The following JDP2 variants were observed in gnomAD, a reference collection of about 807,000 sequenced individuals.
The protein encoded by JDP2 is Jun dimerization protein 2, also known as progesterone receptor co-activator.
JDP2 carries 9 observed loss-of-function variants against 17.1 expected under a neutral mutation model. That is an observed-to-expected ratio of 0.53 (90% CI 0.32 to 0.92). JDP2 has a LOEUF of 0.92. Ranked by LOEUF, JDP2 falls within the 40% of genes least tolerant of loss-of-function variation. JDP2 has a pLI of 0.04. For synonymous variants in JDP2, 107 were observed against 95.6 expected, an observed-to-expected ratio of 1.12 and a Z score of -0.69; for missense variants, 179 against 220.0, an observed-to-expected ratio of 0.81 and a Z score of 1.18.
Position 75,437,982 on chromosome 14 carries a change from C to T in JDP2, c.62C>T (p.Pro21Leu). The T allele has an allele frequency of 1.2e-6, 2 of 1,613,634 alleles. No homozygotes were observed. Among genetic ancestry groups the T allele is most frequent in the Non-Finnish European group, 1.7e-6 (2 of 1,179,810 alleles). ...ACAGGCTCCCTGCCAGGGCTTGGCC[C>T]CCTGACCGGGCTCCCCAGCTCGGCC... ...VTTGSLPGLG[P>L]LTGLPSSALT... Residue 21 changes from proline (P) to leucine (L), a missense_variant, in exon 2 of 4, where the codon CCC (proline) becomes CTC (leucine). By Grantham distance (98) the Pro-to-Leu change is moderately conservative. Transcript: ENST00000651602.
intron 2 of JDP2, among the ~76,000 whole-genome samples, chr14:75,450,668 G>T (rs557833542): frequency 1.4e-4 from 21 of 152,256 alleles, no homozygotes; most frequent in Non-Finnish European, 2.5e-4. Context: ...CAGCTGAAGT[G>T]AAGTGGAAAG....
At chr14:75,436,540 G>C (rs552367967) in intron 1 of JDP2, among the ~76,000 whole-genome samples, 4 of 152,346 alleles carry the variant, frequency 2.6e-5, no homozygotes, top group Admixed American at 2.0e-4. Context: ...TAGAATCTAA[G>C]AGCAGTTTTG....
intron 2 of JDP2, among the ~76,000 whole-genome samples, chr14:75,439,266 T>G (rs900192330): frequency 3.3e-5 from 5 of 149,740 alleles, no homozygotes; most frequent in Non-Finnish European, 5.9e-5. Context: ...TTGGCTGTGG[T>G]GGCAAACTGG....
In JDP2 at chr14:75,437,994, TC is replaced by T; in HGVS notation, c.78del (p.Ser27AlafsTer4). 1 of 1,613,724 alleles carries T rather than the reference TC, an allele frequency of 6.2e-7. No homozygotes were observed. ...SLPGLGPLTGLPSSALTVEEL... is the reference protein window; with the variant it reads ...SLPGLGPLTGXPSSALTVEEL... ...CCAGGGCTTGGCCCCCTGACCGGGC[TC>T]CCCAGCTCGGCCCTGACTGTGGAGG... is the stretch of plus-strand genomic sequence containing the variant. On this transcript the variant is annotated frameshift_variant, in exon 2 of 4. Transcript: ENST00000651602. LOFTEE classifies it high-confidence loss of function.
intron 1 of JDP2, among the ~76,000 whole-genome samples, chr14:75,436,557 C>A (rs1267489101): frequency 6.6e-6 from 1 of 152,248 alleles, no homozygotes; most frequent in Non-Finnish European, 1.5e-5. Context: ...TTTGTACTAA[C>A]ATGCTACTTA....
At chr14:75,433,504 C>A (rs1039053974) in intron 1 of JDP2, among the ~76,000 whole-genome samples, 1 of 150,090 alleles carries the variant, frequency 6.7e-6, no homozygotes. Context: ...TAACTGTGTG[C>A]CCACAGGTCA....
chr14:75,437,521 C>T (rs962248582), intron 1 of JDP2, among the ~76,000 whole-genome samples: 5 of 152,232 alleles, frequency 3.3e-5, no homozygotes, highest in East Asian at 3.8e-4. Context: ...CAACCTTAAG[C>T]GAATTATCAT....
intron 2 of JDP2, among the ~76,000 whole-genome samples, chr14:75,454,592 A>G (rs1886016189): frequency 6.6e-6 from 1 of 152,242 alleles, no homozygotes; most frequent in Admixed American, 6.5e-5. Flanking sequence ...TAAGGTTCTC[A>G]TGGGAAACTG....
intron 2 of JDP2, among the ~76,000 whole-genome samples, chr14:75,448,705 G>A (rs186162763): frequency 1.3e-5 from 2 of 152,218 alleles, no homozygotes; most frequent in East Asian, 1.9e-4. Flanking sequence ...AATTAATTAC[G>A]CTGCCGAGCT....
intron 3 of JDP2, among the ~76,000 whole-genome samples, chr14:75,467,644 C>A (rs1172360502): frequency 6.6e-6 from 1 of 152,120 alleles, no homozygotes; most frequent in Non-Finnish European, 1.5e-5. Flanking sequence ...CCCAAGGTCA[C>A]CAGAGAGTCA....
At chr14:75,453,517 C>T (rs953529836) in intron 2 of JDP2, among the ~76,000 whole-genome samples, 1 of 152,248 alleles carries the variant, frequency 6.6e-6, no homozygotes, top group Non-Finnish European at 1.5e-5. Flanking sequence ...AGCACCACCT[C>T]CGCCTTGCCT....
upstream of JDP2, chr14:75,427,056 C>T (rs1884558518): frequency 6.6e-6 from 1 of 152,302 alleles, no homozygotes; most frequent in African/African-American, 2.4e-5. This position sits in a 1 kb window ranked among gnomAD's most constrained non-coding sequence, Gnocchi z 4.4. Flanking sequence ...GTGTCTCTGC[C>T]TTTGTATACT....
At chr14:75,464,403 GA>G (rs1886480538) in intron 3 of JDP2, among the ~76,000 whole-genome samples, 2 of 151,730 alleles carry the variant, frequency 1.3e-5, no homozygotes, top group African/African-American at 2.4e-5. Context: ...AAAGTATTCA[GA>G]AAAAAAAGCA....
chr14:75,444,415 C>T (rs1042862317), intron 2 of JDP2, among the ~76,000 whole-genome samples: 8 of 152,302 alleles, frequency 5.3e-5, no homozygotes, highest in Non-Finnish European at 7.4e-5. Flanking sequence ...TGGTCTGAGG[C>T]GTTGCAGGAG....
chr14:75,468,346 G>A (rs1419937720), intron 3 of JDP2, among the ~76,000 whole-genome samples: 1 of 152,130 alleles, frequency 6.6e-6, no homozygotes, highest in East Asian at 1.9e-4. Context: ...TGTCTCCTGG[G>A]AGGCAAAAAT....
At chr14:75,468,315 A>T (rs1046782164) in intron 3 of JDP2, among the ~76,000 whole-genome samples, 4 of 152,188 alleles carry the variant, frequency 2.6e-5, no homozygotes, top group African/African-American at 9.7e-5. Context: ...ACAATCAAAA[A>T]TGTCTGCAGA....
chr14:75,443,955 T>C (rs1323649206), intron 2 of JDP2, among the ~76,000 whole-genome samples: 1 of 151,900 alleles, frequency 6.6e-6, no homozygotes, highest in Non-Finnish European at 1.5e-5. Flanking sequence ...CAGGCTGGAG[T>C]GCAATGGCAT....
chr14:75,438,014 G>T lies in JDP2; in HGVS notation c.94G>T (p.Val32Leu). Residue 32 changes from valine to leucine, a missense_variant, in exon 2 of 4, where the codon GTG (valine) becomes TTG (leucine). Transcript: ENST00000651602. ...CGGGCTCCCCAGCTCGGCCCTGACT[G>T]TGGAGGAGCTGAAATACGCTGACAT... The part of the protein sequence containing the change: ...LTGLPSSALT[V>L]EELKYADIRN... 6.2e-7 allele frequency: 1 copy of T among 1,613,936 alleles called. No homozygotes were observed.
At chr14:75,439,183 G>T (rs1443341414) in intron 2 of JDP2, among the ~76,000 whole-genome samples, 1 of 152,176 alleles carries the variant, frequency 6.6e-6, no homozygotes, top group African/African-American at 2.4e-5. Flanking sequence ...GAGAGCTGGG[G>T]ATATTAGGCA....
Sources: allele counts gnomAD v4.1 joint callset (sites outside exome capture counted in the v4.1 genomes callset), GRCh38; gene constraint gnomAD v4.1.1; non-coding constraint Gnocchi (gnomAD v3.1); transcripts MANE v1.5; gene names NCBI Gene and HGNC (gene_info 2026-07-23, HGNC 2026-07-21).